The following AKAP6 variants were observed in gnomAD, a reference collection of about 807,000 sequenced individuals.
The protein encoded by AKAP6 is A-kinase anchoring protein 6.
AKAP6 carries 58 observed loss-of-function variants against 188.5 expected under a neutral mutation model. The ratio of observed to expected loss-of-function variants is 0.31; its 90% CI spans 0.25 to 0.38. AKAP6 has a LOEUF of 0.38. Among genes scored for constraint, AKAP6 ranks in the 10% least tolerant of loss-of-function variants. The pLI, the probability that AKAP6 is intolerant of heterozygous loss-of-function variation, is 1.00. For missense variants in AKAP6, 2,710 were observed against 2,740.0 expected (o/e 0.99, Z 0.24); for synonymous variants, 989 against 998.6 (o/e 0.99, Z 0.18).
At chr14:32,618,273 G>A (rs1776209481) in intron 7 of AKAP6, among the ~76,000 whole-genome samples, 1 of 152,106 alleles carries the variant, frequency 6.6e-6, no homozygotes, top group South Asian at 2.1e-4. Flanking sequence ...TGAAACCTGA[G>A]ATTTTAGTGT....
intron 12 of AKAP6, among the ~76,000 whole-genome samples, chr14:32,775,903 A>C (rs1432230444): frequency 6.6e-6 from 1 of 152,204 alleles, no homozygotes; most frequent in Non-Finnish European, 1.5e-5. Context: ...GGTAGCAAAT[A>C]AGGTCCTCTG....
intron 1 of AKAP6, among the ~76,000 whole-genome samples, chr14:32,391,309 T>C (rs1888707165): frequency 6.6e-6 from 1 of 152,184 alleles, no homozygotes; most frequent in African/African-American, 2.4e-5. Context: ...TAGATGTTTT[T>C]CTCTGATGTC....
At chr14:32,446,959 A>G (rs1464100242) in intron 2 of AKAP6, among the ~76,000 whole-genome samples, 1 of 152,208 alleles carries the variant, frequency 6.6e-6, no homozygotes, top group African/African-American at 2.4e-5. Flanking sequence ...TGTTACCCAA[A>G]GATAGCAAAA....
intron 7 of AKAP6, among the ~76,000 whole-genome samples, chr14:32,656,626 T>G (rs893871106): frequency 1.3e-5 from 2 of 152,212 alleles, no homozygotes; most frequent in East Asian, 3.9e-4. Context: ...GGGGAATACA[T>G]ACGTTTAGTG....
intron 2 of AKAP6, among the ~76,000 whole-genome samples, chr14:32,461,903 G>GA (rs1891338120): frequency 6.6e-6 from 1 of 151,748 alleles, no homozygotes; most frequent in Non-Finnish European, 1.5e-5. Flanking sequence ...TGATGGAGCT[G>GA]AAAACACAGC....
At chr14:32,442,050 A>C (rs188912812) in intron 2 of AKAP6, among the ~76,000 whole-genome samples, 1 of 152,318 alleles carries the variant, frequency 6.6e-6, no homozygotes, top group Non-Finnish European at 1.5e-5. Context: ...CATCCACCAG[A>C]GGTAGGATAT....
chr14:32,450,817 G>A (rs1257070788), intron 2 of AKAP6, among the ~76,000 whole-genome samples: 1 of 151,982 alleles, frequency 6.6e-6, no homozygotes, highest in Non-Finnish European at 1.5e-5. Flanking sequence ...TGAGGGCCTT[G>A]GTTAGTTATA....
intron 1 of AKAP6, among the ~76,000 whole-genome samples, chr14:32,395,155 C>A (rs1431535261): frequency 1.3e-5 from 2 of 152,096 alleles, no homozygotes; most frequent in East Asian, 1.9e-4. Context: ...CAGTTCCAAG[C>A]AGGCTAAATA....
chr14:32,353,693 G>T (rs1253003250), intron 1 of AKAP6, among the ~76,000 whole-genome samples: 1 of 152,156 alleles, frequency 6.6e-6, no homozygotes, highest in Non-Finnish European at 1.5e-5. Context: ...TGACATGATT[G>T]TATATCTAGA....
At position 32,822,111 on chromosome 14, in the gene AKAP6, T is replaced by A; in HGVS notation, c.4298T>A (p.Val1433Glu). 6.2e-7 allele frequency: 1 copy of A among 1,613,902 alleles called. No individual in the cohort carries two copies. Among genetic ancestry groups the A allele is most frequent in the Non-Finnish European group, 8.5e-7 (1 of 1,179,910 alleles). Reference sequence around the variant, plus strand: ...AGCTCTCAGTCGTCCATTTCACCAGTGGGTTGTGTAAATGGAAAAGTTGGA... The same window carrying A: ...AGCTCTCAGTCGTCCATTTCACCAGAGGGTTGTGTAAATGGAAAAGTTGGA... ...PNSSQSSISP[V>E]GCVNGKVGDL... The change falls in exon 13 of 14, where the codon GTG becomes GAG. Residue 1433 changes from valine (V) to glutamate (E), a missense_variant. Val to Glu is a moderately radical substitution (Grantham distance 121). Around this residue, in one of 2 missense-constraint regions of AKAP6, gnomAD observed 2,473 missense variants for 2,426.1 expected, o/e 1.02. Coordinates refer to ENST00000280979, the MANE Select transcript of AKAP6 (RefSeq NM_004274.5).
chr14:32,451,723 T>C (rs1314482571), intron 2 of AKAP6, among the ~76,000 whole-genome samples: 1 of 152,158 alleles, frequency 6.6e-6, no homozygotes, highest in East Asian at 1.9e-4. Context: ...TGGTAGCCAC[T>C]AGTTACATGT....
intron 12 of AKAP6, among the ~76,000 whole-genome samples, chr14:32,817,489 GTT>G (rs757121939): frequency 0.065 from 7,479 of 115,532 alleles, 230 homozygotes; most frequent in South Asian, 0.17. Context: ...GTGTGTCTGT[GTT>G]TGTGTGTGTG....
chr14:32,633,905 A>C (rs978144000), intron 7 of AKAP6, among the ~76,000 whole-genome samples: 2 of 152,050 alleles, frequency 1.3e-5, no homozygotes, highest in African/African-American at 4.8e-5. Flanking sequence ...TTCGTGTCAC[A>C]AATAAGGAAG....
chr14:32,703,660 A>G (rs915012608), intron 9 of AKAP6, among the ~76,000 whole-genome samples: 1 of 152,232 alleles, frequency 6.6e-6, no homozygotes, highest in African/African-American at 2.4e-5. Flanking sequence ...TGTCACGGAA[A>G]AAGAAAACCA....
intron 11 of AKAP6, among the ~76,000 whole-genome samples, chr14:32,738,287 C>T (rs919988266): frequency 6.6e-6 from 1 of 152,038 alleles, no homozygotes; most frequent in Non-Finnish European, 1.5e-5. Flanking sequence ...CCTTGTATCC[C>T]ATAACCAAAT....
chr14:32,786,871 A>C (rs568604774), intron 12 of AKAP6, among the ~76,000 whole-genome samples: 18 of 152,170 alleles, frequency 1.2e-4, no homozygotes, highest in African/African-American at 4.1e-4. Context: ...TAGGGTTTTA[A>C]GTTTTTATTC....
chr14:32,703,100 T>A (rs746002050), intron 9 of AKAP6, among the ~76,000 whole-genome samples: 4 of 152,262 alleles, frequency 2.6e-5, no homozygotes, highest in Non-Finnish European at 5.9e-5. Context: ...TTGTGAAAAC[T>A]ATCTGCCCTA....
intron 7 of AKAP6, among the ~76,000 whole-genome samples, chr14:32,647,184 G>A (rs1337839505): frequency 6.6e-6 from 1 of 152,062 alleles, no homozygotes; most frequent in Non-Finnish European, 1.5e-5. Flanking sequence ...AAAATGAAAT[G>A]TGACAATTTC....
intron 2 of AKAP6, among the ~76,000 whole-genome samples, chr14:32,458,524 T>C (rs1456953458): frequency 3.3e-5 from 5 of 152,148 alleles, no homozygotes; most frequent in African/African-American, 1.2e-4. Flanking sequence ...GAAAGTATTA[T>C]TAGTAGTCAC....
Sources: gnomAD v4.1 joint callset for allele counts (sites outside exome capture counted in the v4.1 genomes callset) on GRCh38, gnomAD v4.1.1 for gene constraint, gnomAD v4.1.1 regional missense constraint, MANE v1.5 for transcripts, NCBI Gene and HGNC (gene_info 2026-07-23, HGNC 2026-07-21) for gene names.